Variants in TRANK1 observed in about 807,000 individuals in gnomAD.
TRANK1 encodes tetratricopeptide repeat and ankyrin repeat containing 1.
Under a neutral mutation model 266.0 loss-of-function variants are expected in TRANK1, and 198 were observed. That is an observed-to-expected ratio of 0.74 (90% CI 0.66 to 0.84). The LOEUF (loss-of-function observed/expected upper bound fraction) is 0.84, where lower values mean the gene tolerates loss of function less well. TRANK1 is among the 40% of genes least tolerant of loss of function. The pLI, the probability that TRANK1 is intolerant of heterozygous loss-of-function variation, is 0.00. For missense variants in TRANK1, 3,326 were observed against 3,634.6 expected (o/e 0.92, Z 2.18); for synonymous variants, 1,396 against 1,384.1 (o/e 1.01, Z -0.19).
At chr3:36,839,231 C>T (rs996521441) in intron 18 of TRANK1, among the ~76,000 whole-genome samples, 1 of 152,220 alleles carries the variant, frequency 6.6e-6, no homozygotes, top group African/African-American at 2.4e-5. Flanking sequence ...CTGGGGCATG[C>T]AGATCTGTTA....
At position 36,833,139 on chromosome 3, in the gene TRANK1, CA is replaced by C; in HGVS notation, c.6443del (p.Leu2148Ter). Reference protein sequence around the residue: ...LRIIFDLDLNLREKKTKDHFL... With the variant: ...LRIIFDLDLNXREKKTKDHFL... ...AATGATCTTTTGTTTTTTTCTCTCT[CA>C]AGTTCAAATCCAGGTCAAAAATTAT... On this transcript the variant is annotated frameshift_variant, in exon 22 of 24. Coordinates refer to ENST00000645898, the MANE Select transcript of TRANK1 (RefSeq NM_001329998.2). LOFTEE classifies it high-confidence loss of function. 1 of 1,613,104 alleles carries C rather than the reference CA, an allele frequency of 6.2e-7. No homozygotes were observed.
At chr3:36,942,779 C>G (rs2080513866) in intron 1 of TRANK1, among the ~76,000 whole-genome samples, 1 of 151,946 alleles carries the variant, frequency 6.6e-6, no homozygotes, top group African/African-American at 2.4e-5. Context: ...ACGGTCTCCT[C>G]ATACTCTGGG....
intron 13 of TRANK1, 79 bp from the exon 14 acceptor site, chr3:36,852,424 T>A (rs932808972): frequency 1.1e-5 from 15 of 1,342,130 alleles, no homozygotes; most frequent in Middle Eastern, 2.2e-4. Context: ...GGGGGACATG[T>A]TTTTCCTGAG....
At chr3:36,847,145 C>G in intron 16 of TRANK1, 55 bp downstream of exon 16, 2 of 1,550,370 alleles carry the variant, frequency 1.3e-6, no homozygotes, top group Non-Finnish European at 1.8e-6. Context: ...CTCTTCCAAG[C>G]CTTTTTCACT....
At chr3:36,837,322 T>C (rs928041290) in intron 20 of TRANK1, among the ~76,000 whole-genome samples, 1 of 152,162 alleles carries the variant, frequency 6.6e-6, no homozygotes, top group Admixed American at 6.5e-5. Context: ...ATAATAAACA[T>C]GGAACAGGGT....
At chr3:36,855,096 C>G in intron 13 of TRANK1, 77 bp downstream of exon 13, 1 of 1,302,632 alleles carries the variant, frequency 7.7e-7, no homozygotes, top group Non-Finnish European at 1.1e-6. Flanking sequence ...CTAACAAGAG[C>G]TAGTCTGCAG....
chr3:36,887,502 A>G (rs979885772), intron 8 of TRANK1, among the ~76,000 whole-genome samples: 6 of 152,246 alleles, frequency 3.9e-5, no homozygotes, highest in Non-Finnish European at 8.8e-5. Context: ...ATGACATCAC[A>G]TTGGTACCAT....
At chr3:36,846,843 A>G (rs2078921697) in intron 16 of TRANK1, among the ~76,000 whole-genome samples, 1 of 152,218 alleles carries the variant, frequency 6.6e-6, no homozygotes, top group African/African-American at 2.4e-5. Context: ...TTATTTTTAA[A>G]AATTAAACCA....
At position 36,833,876 on chromosome 3, in the gene TRANK1, G is replaced by C; in HGVS notation, c.5707C>G (p.Leu1903Val). 1 of 1,613,628 alleles carries C rather than the reference G, an allele frequency of 6.2e-7. No individual in the cohort carries two copies. The change falls in exon 22 of 24, where the codon CTC becomes GTC. Residue 1903 changes from leucine (L) to valine (V), a missense_variant. Coordinates refer to ENST00000645898, the MANE Select transcript of TRANK1 (RefSeq NM_001329998.2). ...TAAAACTGACTGGCAGAATAGGAGA[G>C]CTTGGAAATGGGAAGGGTCTTAGTC... Reference protein sequence around the residue: ...LKTKTLPISKLSYSASQFYLE... With the variant: ...LKTKTLPISKVSYSASQFYLE...
intron 15 of TRANK1, chr3:36,850,504 C>T (rs1254940625): frequency 1.0e-6 from 1 of 985,240 alleles, no homozygotes; most frequent in Non-Finnish European, 1.2e-6. Flanking sequence ...AAAGGTGGCT[C>T]ATGCTTATAA....
chr3:36,832,481 C>T lies in TRANK1; in HGVS notation c.7102G>A (p.Glu2368Lys). 2 of 1,613,970 alleles carry T rather than the reference C, an allele frequency of 1.2e-6. No homozygotes were observed. Among genetic ancestry groups the T allele is most frequent in the Admixed American group, 3.3e-5 (2 of 60,016 alleles). ...CTCCCCCTGCCCCTTTCATCCTTTTCAGACTCTAGAGCTTTGAGTTCCCTG... is the reference window on the plus strand; with the variant it reads ...CTCCCCCTGCCCCTTTCATCCTTTTTAGACTCTAGAGCTTTGAGTTCCCTG... ...YNRELKALES[E>K]KDERGRGRGS... The change falls in exon 22 of 24, where the codon GAA becomes AAA. Residue 2368 changes from glutamate to lysine, a missense_variant. By Grantham distance (56) the Glu-to-Lys change is moderately conservative. Transcript: ENST00000645898.
chr3:36,895,903 T>C, intron 4 of TRANK1, 145 bp from the exon 5 acceptor site: 1 of 556,256 alleles, frequency 1.8e-6, no homozygotes, highest in Non-Finnish European at 3.1e-6. Flanking sequence ...TAGTATGAAG[T>C]CCTTTATAAT....
chr3:36,889,874 C>G lies in TRANK1; in HGVS notation c.862G>C (p.Val288Leu). ...GAGTGGGCAGCGACGACGTGCAGGA[C>G]AGTGCAGCCATCCCCATCCTTCTGG... ...INQKDGDGCT[V>L]LHVVAAHSPG... The change falls in exon 8 of 24, where the codon GTC becomes CTC. Residue 288 changes from valine (V) to leucine (L), a missense_variant. By Grantham distance (32) the Val-to-Leu change is conservative. Coordinates refer to ENST00000645898, the MANE Select transcript of TRANK1 (RefSeq NM_001329998.2). 6.5e-7 allele frequency: 1 copy of G among 1,537,250 alleles called. No individual in the cohort carries two copies. Among genetic ancestry groups the G allele is most frequent in the Non-Finnish European group, 8.7e-7 (1 of 1,146,908 alleles).
At chr3:36,838,278 C>T in intron 20 of TRANK1, 94 bp downstream of exon 20, 1 of 1,525,158 alleles carries the variant, frequency 6.6e-7, no homozygotes, top group Non-Finnish European at 8.8e-7. Context: ...AGACTGCAGC[C>T]TCTTCCTGCT....
intron 13 of TRANK1, among the ~76,000 whole-genome samples, chr3:36,854,308 C>T (rs2079021885): frequency 2.6e-5 from 4 of 151,694 alleles, no homozygotes; most frequent in East Asian, 1.9e-4. Flanking sequence ...TGCAGTGAGC[C>T]GAGGTCACGC....
intron 1 of TRANK1, among the ~76,000 whole-genome samples, chr3:36,933,367 G>C (rs1468187058): frequency 5.3e-5 from 8 of 152,270 alleles, no homozygotes; most frequent in Admixed American, 5.2e-4. Context: ...AAGTAAAATT[G>C]CTTTGCTAAG....
chr3:36,937,586 T>C (rs902273148), intron 1 of TRANK1, among the ~76,000 whole-genome samples: 7 of 152,168 alleles, frequency 4.6e-5, no homozygotes, highest in African/African-American at 1.7e-4. Flanking sequence ...CCTTTAAAAC[T>C]AAAATCAAAT....
chr3:36,832,762 G>C lies in TRANK1; in HGVS notation c.6821C>G (p.Pro2274Arg). The change falls in exon 22 of 24, where the codon CCT becomes CGT. Residue 2274 changes from proline to arginine, a missense_variant. By Grantham distance (103) the Pro-to-Arg change is moderately radical. Transcript: ENST00000645898. The stretch of plus-strand genomic sequence containing the variant: ...CAACACTCTCTGATGGAAATGCTTA[G>C]GGAAAAGGACATCCAGAATGGACTT... ...LCKSILDVLF[P>R]KHFHQRVLSE... The C allele has an allele frequency of 6.2e-7, 1 of 1,613,992 alleles. No homozygotes were observed. Among genetic ancestry groups the C allele is most frequent in the South Asian group, 1.1e-5 (1 of 91,080 alleles).
rs1253915254 is a variant in TRANK1, at chr3:36,852,146, C to T, written c.4749G>A (p.Gln1583=). The stretch of plus-strand genomic sequence containing the variant: ...AAACATAAAATCCCAAGCAGCTCAC[C>T]TGGTGGGCTCCAAATTCAATGGGCT... ...KTQPIEFGAH[Q]VILVANETAK... Residue 1583 remains glutamine, a splice_region_variant and synonymous_variant, in exon 14 of 24, where the codon CAG becomes CAA. Coordinates refer to ENST00000645898, the MANE Select transcript of TRANK1 (RefSeq NM_001329998.2). The T allele has an allele frequency of 6.3e-7, 1 of 1,580,438 alleles. No homozygotes were observed. Among genetic ancestry groups the T allele is most frequent in the Non-Finnish European group, 8.5e-7 (1 of 1,169,958 alleles).
Sources: gnomAD v4.1 joint callset for allele counts (sites outside exome capture counted in the v4.1 genomes callset) on GRCh38, gnomAD v4.1.1 for gene constraint, MANE v1.5 for transcripts, NCBI Gene and HGNC (gene_info 2026-07-23, HGNC 2026-07-21) for gene names.